ATR: variants seen among roughly 807,000 people sequenced by gnomAD.
The protein encoded by ATR is serine/threonine-protein kinase ATR.
Under a neutral mutation model 305.3 loss-of-function variants are expected in ATR, and 142 were observed. That is an observed-to-expected ratio of 0.47 (90% CI 0.41 to 0.53). The LOEUF (loss-of-function observed/expected upper bound fraction) is 0.53. ATR is among the 20% of genes least tolerant of loss of function. The pLI, the probability that ATR is intolerant of heterozygous loss-of-function variation, is 0.00. For synonymous variants in ATR, 1,050 were observed against 1,068.1 expected (o/e 0.98, Z 0.33); for missense variants, 2,135 against 3,133.1 (o/e 0.68, Z 7.60).
chr3:142,461,027 C>A (rs2071013327), intron 42 of ATR, among the ~76,000 whole-genome samples: 1 of 152,146 alleles, frequency 6.6e-6, no homozygotes, highest in African/African-American at 2.4e-5. Flanking sequence ...CAGGATTACA[C>A]ATTACATTTA....
chr3:142,561,355 A>G lies in ATR; in HGVS notation c.1237T>C (p.Cys413Arg). 6.2e-7 allele frequency: 1 copy of G among 1,614,108 alleles called. No individual in the cohort carries two copies. The highest frequency in any genetic ancestry group is 8.5e-7 in the Non-Finnish European group (1 of 1,179,994). Residue 413 changes from cysteine (C) to arginine (R), a missense_variant, in exon 5 of 47, where the codon TGC becomes CGC. By Grantham distance (180) the Cys-to-Arg change is radical. Transcript: ENST00000350721. ...ESMEIIEEIQ[C>R]QTQQENLSSN... ...CTGAGGTTTTCCTGTTGAGTTTGGC[A>G]TTGAATCTCCTCAATGATTTCCATA...
chr3:142,456,027 G>T (rs561669421), intron 45 of ATR, among the ~76,000 whole-genome samples: 1 of 152,288 alleles, frequency 6.6e-6, no homozygotes, highest in African/African-American at 2.4e-5. Context: ...AAGAACTCTT[G>T]CAACTTGGCT....
intron 17 of ATR, among the ~76,000 whole-genome samples, chr3:142,541,838 A>G (rs2034063002): frequency 6.6e-6 from 1 of 152,044 alleles, no homozygotes; most frequent in South Asian, 2.1e-4. Flanking sequence ...AATTTGCAAA[A>G]TTTAATATGG....
At chr3:142,467,831 T>C in intron 39 of ATR, 103 bp downstream of exon 39, 1 of 1,367,930 alleles carries the variant, frequency 7.3e-7, no homozygotes, top group Non-Finnish European at 1.0e-6. Context: ...TGTGTACACC[T>C]ATAGTTAGAA....
chr3:142,522,547 C>T (rs2033191445), intron 23 of ATR, among the ~76,000 whole-genome samples, 181 bp downstream of exon 23: 2 of 152,052 alleles, frequency 1.3e-5, no homozygotes, highest in Admixed American at 6.5e-5. Context: ...TTGAAAGTAA[C>T]TATACCTATA....
intron 39 of ATR, among the ~76,000 whole-genome samples, chr3:142,467,391 A>T (rs2071156025): frequency 6.6e-6 from 1 of 152,126 alleles, no homozygotes; most frequent in African/African-American, 2.4e-5. Context: ...TAGTTCCCTA[A>T]AAGACTGTAA....
At chr3:142,466,970 A>G (rs2071145081) in intron 39 of ATR, among the ~76,000 whole-genome samples, 1 of 152,202 alleles carries the variant, frequency 6.6e-6, no homozygotes, top group South Asian at 2.1e-4. Context: ...CATGTAAAGC[A>G]CTTACAACAG....
chr3:142,524,459 T>A (rs2033286662), intron 21 of ATR, among the ~76,000 whole-genome samples: 1 of 152,192 alleles, frequency 6.6e-6, no homozygotes, highest in African/African-American at 2.4e-5. Flanking sequence ...CTGTGCATTT[T>A]ATCAATATAC....
In ATR at chr3:142,560,188, G is replaced by A; in HGVS notation, c.1541+75C>T. The A allele has an allele frequency of 4.9e-6, 7 of 1,425,584 alleles. No individual in the cohort carries two copies. In the South Asian group the frequency reaches 8.2e-5, roughly 17 times the overall value. The allele number at this position is 1,425,584 out of a possible 1,614,324, so 88.3% of individuals were successfully genotyped here. ...TGTGTTCTAAGGTTACATGAGTCAA[G>A]TGAATAATGAGTAAACAGTAAATCC... On this transcript the variant is annotated intron_variant, in intron 6 of 46. Transcript: ENST00000350721.
rs1577549142 is a variant in ATR, at chr3:142,485,135, C to T, written c.6221+5G>A. On this transcript the variant is annotated splice_donor_5th_base_variant and intron_variant, in intron 36 of 46. Transcript: ENST00000350721. ...AATCTGCAAACATGCAGTTCTCATA[C>T]TCACCTGCCAAAATGAAGAACTATA... 8.1e-6 allele frequency: 13 copies of T among 1,614,136 alleles called. No homozygotes were observed. The highest frequency in any genetic ancestry group is 2.2e-5 in the East Asian group (1 of 44,884).
intron 40 of ATR, 105 bp from the exon 41 acceptor site, chr3:142,465,345 A>T (rs2071103218): frequency 1.2e-6 from 1 of 853,320 alleles, no homozygotes; most frequent in Non-Finnish European, 1.8e-6. Flanking sequence ...GAATATTACC[A>T]GCTATATTAT....
chr3:142,542,456 G>A (rs1007877885), intron 17 of ATR, among the ~76,000 whole-genome samples: 9 of 152,112 alleles, frequency 5.9e-5, no homozygotes, highest in African/African-American at 1.9e-4. Flanking sequence ...TAGTCACTTT[G>A]GGTTGGGTGT....
chr3:142,527,296 CTATT>C (rs1406948452), intron 21 of ATR, among the ~76,000 whole-genome samples: 2 of 152,036 alleles, frequency 1.3e-5, no homozygotes, highest in Non-Finnish European at 2.9e-5. Flanking sequence ...ACCACTGAGA[CTATT>C]TAGTTTGTGA....
At chr3:142,545,993 T>C (rs2034255870) in intron 16 of ATR, among the ~76,000 whole-genome samples, 1 of 152,178 alleles carries the variant, frequency 6.6e-6, no homozygotes. Context: ...TGAATATCTG[T>C]TTGCCATCTT....
intron 28 of ATR, among the ~76,000 whole-genome samples, chr3:142,506,901 A>G (rs2032271478): frequency 6.6e-6 from 1 of 152,192 alleles, no homozygotes; most frequent in South Asian, 2.1e-4. Context: ...AGAGTCCTGC[A>G]GTTTTAAAGA....
At chr3:142,519,082 T>C (rs1166252473) in intron 24 of ATR, among the ~76,000 whole-genome samples, 3 of 152,118 alleles carry the variant, frequency 2.0e-5, no homozygotes. Context: ...CAGCTTAAAG[T>C]ATATTCTTTC....
intron 4 of ATR, 150 bp from the exon 5 acceptor site, chr3:142,561,571 T>A (rs1002562576): frequency 1.3e-6 from 1 of 781,824 alleles, no homozygotes; most frequent in Non-Finnish European, 2.0e-6. Flanking sequence ...TAAATTGATC[T>A]ATATTATTTA....
At chr3:142,521,351 T>C (rs2033141011) in intron 23 of ATR, among the ~76,000 whole-genome samples, 1 of 152,200 alleles carries the variant, frequency 6.6e-6, no homozygotes, top group African/African-American at 2.4e-5. Context: ...TATACAAGGA[T>C]ATTAATGTTG....
chr3:142,515,568 T>C (rs2032825685), intron 24 of ATR, 53 bp from the exon 25 acceptor site: 1 of 1,528,650 alleles, frequency 6.5e-7, no homozygotes, highest in Admixed American at 1.8e-5. Context: ...TGTTTAGAAT[T>C]TTAGTAAATT....
Sources: allele counts gnomAD v4.1 joint callset (sites outside exome capture counted in the v4.1 genomes callset), GRCh38; gene constraint gnomAD v4.1.1; transcripts MANE v1.5; gene names NCBI Gene and HGNC (gene_info 2026-07-23, HGNC 2026-07-21).